The following GLIPR1L1 variants were observed in gnomAD, a reference collection of about 807,000 sequenced individuals.
GLIPR1L1 encodes the protein GLIPR1 like 1.
GLIPR1L1 carries 26 observed loss-of-function variants against 29.9 expected under a neutral mutation model. The observed-to-expected ratio is 0.87, with a 90% CI of 0.64 to 1.21. The LOEUF (loss-of-function observed/expected upper bound fraction) is 1.21. GLIPR1L1 is among the 50% of genes most tolerant of loss of function. The pLI is 0.00. For synonymous variants in GLIPR1L1, 77 were observed against 97.5 expected (o/e 0.79, Z 1.24); for missense variants, 305 against 290.3 (o/e 1.05, Z -0.37).
At chr12:75,369,784 A>T in intron 4 of GLIPR1L1, 176 bp from the exon 5 acceptor site, 1 of 983,348 alleles carries the variant, frequency 1.0e-6, no homozygotes, top group Non-Finnish European at 1.2e-6. Flanking sequence ...GTTGGTAGGA[A>T]GCATCGTAAA....
chr12:75,360,907 T>A (rs1197162206), intron 3 of GLIPR1L1: 2 of 152,166 alleles, frequency 1.3e-5, no homozygotes, highest in African/African-American at 4.8e-5. Flanking sequence ...AATCTTCAAT[T>A]CTTGACTTCT....
intron 3 of GLIPR1L1, among the ~76,000 whole-genome samples, chr12:75,348,739 A>C (rs2139409854): frequency 6.6e-6 from 1 of 152,292 alleles, no homozygotes; most frequent in East Asian, 1.9e-4. Context: ...GTGTTATGTC[A>C]CCCCTGGCCA....
intron 3 of GLIPR1L1, among the ~76,000 whole-genome samples, chr12:75,358,296 T>C (rs2043287402): frequency 6.6e-6 from 1 of 151,764 alleles, no homozygotes; most frequent in Admixed American, 6.6e-5. Context: ...TAGAGCAATA[T>C]CCCTCACAAA....
intron 1 of GLIPR1L1, among the ~76,000 whole-genome samples, chr12:75,340,981 G>A (rs1267098651): frequency 6.6e-6 from 1 of 151,520 alleles, no homozygotes; most frequent in Non-Finnish European, 1.5e-5. Flanking sequence ...TTTCTGGTGG[G>A]AATGCAAAAT....
intron 3 of GLIPR1L1, among the ~76,000 whole-genome samples, chr12:75,358,412 T>A (rs918060165): frequency 2.0e-5 from 3 of 151,788 alleles, no homozygotes; most frequent in Non-Finnish European, 2.9e-5. Context: ...AATGCAGGTC[T>A]CATTTTACAT....
chr12:75,338,587 G>T (rs971995070), intron 1 of GLIPR1L1, among the ~76,000 whole-genome samples: 4 of 150,584 alleles, frequency 2.7e-5, no homozygotes, highest in Admixed American at 2.0e-4. Flanking sequence ...GCATGGAAAA[G>T]TTATTTTTTT....
intron 3 of GLIPR1L1, among the ~76,000 whole-genome samples, chr12:75,359,355 G>GTTTTT (rs1463566931): frequency 1.5e-4 from 7 of 46,432 alleles, no homozygotes; most frequent in Non-Finnish European, 2.5e-4. Flanking sequence ...CAGCATTGTT[G>GTTTTT]TCTTTTTTTT....
chr12:75,360,861 T>C (rs532420092), intron 3 of GLIPR1L1: 7 of 152,306 alleles, frequency 4.6e-5, no homozygotes, highest in Admixed American at 3.3e-4. Flanking sequence ...ATCCAGGCAT[T>C]TCCATATGTC....
At chr12:75,361,358 A>G (rs1565999496) in intron 3 of GLIPR1L1, among the ~76,000 whole-genome samples, 1 of 152,228 alleles carries the variant, frequency 6.6e-6, no homozygotes, top group Non-Finnish European at 1.5e-5. Flanking sequence ...CAAGTTCTCA[A>G]TCCAGTACAA....
intron 3 of GLIPR1L1, chr12:75,360,801 T>C (rs2043530150): frequency 6.6e-6 from 1 of 152,170 alleles, no homozygotes; most frequent in African/African-American, 2.4e-5. Flanking sequence ...ACTGCCCTAG[T>C]AGAGGTTCTC....
intron 1 of GLIPR1L1, among the ~76,000 whole-genome samples, chr12:75,343,073 T>A (rs974700846): frequency 1.3e-5 from 2 of 152,002 alleles, no homozygotes; most frequent in African/African-American, 4.8e-5. Flanking sequence ...AATCTGTGAA[T>A]AATGATAGAT....
chr12:75,335,747 A>T (rs1003950942), intron 1 of GLIPR1L1, among the ~76,000 whole-genome samples: 1 of 152,150 alleles, frequency 6.6e-6, no homozygotes, highest in African/African-American at 2.4e-5. Context: ...GAAATGAAAC[A>T]AGAATAAACT....
At position 75,370,127 on chromosome 12, in the gene GLIPR1L1, C is replaced by A. The variant is rs2044263890; in HGVS notation, c.680C>A (p.Thr227Lys). 3.1e-6 allele frequency: 5 copies of A among 1,607,550 alleles called. No individual in the cohort carries two copies. Among genetic ancestry groups the A allele is most frequent in the Non-Finnish European group, 4.3e-6 (5 of 1,175,782 alleles). The change falls in exon 6 of 6, where the codon ACA becomes AAA. Residue 227 changes from threonine to lysine, a missense_variant. Coordinates refer to ENST00000378695, the MANE Select transcript of GLIPR1L1 (RefSeq NM_001304964.2). Reference protein sequence around the residue: ...LKPTGRAPQQTAFNPFSLGFL... With the variant: ...LKPTGRAPQQKAFNPFSLGFL... ...CCAACGGGGAGAGCACCTCAGCAGACAGCCTTTAATCCATTCAGCTTAGGT... is the reference window on the plus strand; with the variant it reads ...CCAACGGGGAGAGCACCTCAGCAGAAAGCCTTTAATCCATTCAGCTTAGGT...
intron 3 of GLIPR1L1, among the ~76,000 whole-genome samples, chr12:75,352,584 G>A (rs2139457242): frequency 6.6e-6 from 1 of 152,108 alleles, no homozygotes; most frequent in Non-Finnish European, 1.5e-5. Flanking sequence ...GTCAATATTA[G>A]CCAGATGACA....
intron 3 of GLIPR1L1, among the ~76,000 whole-genome samples, chr12:75,352,332 A>G (rs762681791): frequency 3.3e-5 from 5 of 152,242 alleles, no homozygotes; most frequent in Admixed American, 6.5e-5. Context: ...TGGAAAACAG[A>G]AAAAAGCAGA....
chr12:75,366,314 T>C (rs148777089), intron 4 of GLIPR1L1, among the ~76,000 whole-genome samples: 72 of 152,262 alleles, frequency 4.7e-4, no homozygotes, highest in Non-Finnish European at 7.2e-4. Flanking sequence ...AGGAAGAAGA[T>C]TGGATCTAAA....
At chr12:75,370,016 AAATT>A in intron 5 of GLIPR1L1, 30 bp downstream of exon 5, 2 of 1,198,892 alleles carry the variant, frequency 1.7e-6, no homozygotes, top group Non-Finnish European at 2.4e-6. Flanking sequence ...AGTATTAATT[AAATT>A]ATTTCCTCCC....
At chr12:75,363,263 T>C in intron 4 of GLIPR1L1, 73 bp downstream of exon 4, 1 of 692,396 alleles carries the variant, frequency 1.4e-6, no homozygotes, top group Non-Finnish European at 2.1e-6. Context: ...TTTTAAAATT[T>C]GGCTTCTCAA....
intron 3 of GLIPR1L1, among the ~76,000 whole-genome samples, chr12:75,357,741 CA>C (rs2043246342): frequency 6.6e-6 from 1 of 151,852 alleles, no homozygotes; most frequent in African/African-American, 2.4e-5. Context: ...TGAATACTAA[CA>C]TACTTCTAAA....
Sources: allele counts gnomAD v4.1 joint callset (sites outside exome capture counted in the v4.1 genomes callset), GRCh38; gene constraint gnomAD v4.1.1; transcripts MANE v1.5; gene names NCBI Gene and HGNC (gene_info 2026-07-23, HGNC 2026-07-21).